Variants in TPP2 observed in about 807,000 individuals in gnomAD.
TPP2 encodes tripeptidyl peptidase 2.
TPP2 carries 34 observed loss-of-function variants against 155.9 expected under a neutral mutation model. That is an observed-to-expected ratio of 0.22 (90% CI 0.17 to 0.29). TPP2 has a LOEUF of 0.29. Ranked by LOEUF, TPP2 falls within the 10% of genes least tolerant of loss-of-function variation. The pLI is 1.00. For synonymous variants in TPP2, 510 were observed against 529.4 expected (o/e 0.96, Z 0.50); for missense variants, 1,028 against 1,522.3 (o/e 0.68, Z 5.40).
intron 23 of TPP2, among the ~76,000 whole-genome samples, chr13:102,650,575 T>C (rs1334020985): frequency 6.6e-6 from 1 of 152,186 alleles, no homozygotes; most frequent in African/African-American, 2.4e-5. Flanking sequence ...TGGTAGTTTT[T>C]TTTGTAGATT....
At chr13:102,623,488 AG>A (rs1191054188) in intron 6 of TPP2, among the ~76,000 whole-genome samples, 1 of 152,166 alleles carries the variant, frequency 6.6e-6, no homozygotes, top group East Asian at 1.9e-4. Flanking sequence ...GTTTGAACCT[AG>A]GAGGCGGAGG....
chr13:102,615,151 G>T (rs1179134383), intron 3 of TPP2, among the ~76,000 whole-genome samples: 1 of 152,128 alleles, frequency 6.6e-6, no homozygotes, highest in Non-Finnish European at 1.5e-5. Flanking sequence ...TAATCATTCT[G>T]CAAAACAAAC....
At chr13:102,664,677 A>G (rs756047236) in intron 26 of TPP2, 118 bp from the exon 27 acceptor site, 61 of 1,040,540 alleles carry the variant, frequency 5.9e-5, no homozygotes, top group South Asian at 2.0e-4. Flanking sequence ...CTACAAGTCA[A>G]TTACATAGTT....
intron 27 of TPP2, chr13:102,667,784 C>A (rs535521461): frequency 1.0e-6 from 1 of 985,444 alleles, no homozygotes; most frequent in African/African-American, 1.7e-5. Flanking sequence ...TGCATCATTC[C>A]AGCCCTTCTC....
Position 102,674,366 on chromosome 13 carries a change from A to G in TPP2, c.3455A>G (p.Gln1152Arg). The G allele has an allele frequency of 1.2e-6, 2 of 1,613,996 alleles. No homozygotes were observed. The highest frequency in any genetic ancestry group is 1.7e-6 in the Non-Finnish European group (2 of 1,179,872). Residue 1152 changes from glutamine to arginine, a missense_variant, in exon 28 of 30, where the codon CAG becomes CGG. Gln to Arg is a conservative substitution (Grantham distance 43). Coordinates refer to ENST00000376052, the MANE Select transcript of TPP2 (RefSeq NM_001330588.2). Reference sequence around the variant, plus strand: ...CTGGCAGACCATCTTCTTCACACCCAGGCTCAAGACGGAGCCATTTCCACT... The same window carrying G: ...CTGGCAGACCATCTTCTTCACACCCGGGCTCAAGACGGAGCCATTTCCACT... ...CALADHLLHT[Q>R]AQDGAISTDA...
intron 8 of TPP2, among the ~76,000 whole-genome samples, chr13:102,628,429 T>C: frequency 6.6e-6 from 1 of 152,194 alleles, no homozygotes; most frequent in East Asian, 1.9e-4. Context: ...ATTTTGCTAT[T>C]CTCTTTAGTG....
At position 102,608,286 on chromosome 13, in the gene TPP2, T is replaced by G. The variant is rs553065478; in HGVS notation, c.294+3365T>G. On this transcript the variant is annotated intron_variant, in intron 2 of 29. Transcript: ENST00000376052. ...AAAATAACATGCTAATATTTTTTAT[T>G]TCTTGATTTTTTTTTCTAGTCTTAA... 2.6e-5 allele frequency among the ~76,000 whole-genome samples: 4 copies of G among 152,338 alleles called. No individual in the cohort carries two copies. In the East Asian group the frequency reaches 7.7e-4, roughly 29 times the overall value.
rs761145692 is a variant in TPP2, at chr13:102,644,624, A to T, written c.2243A>T (p.Tyr748Phe). Residue 748 changes from tyrosine to phenylalanine, a missense_variant, in exon 18 of 30, where the codon TAT becomes TTT. By Grantham distance (22) the Tyr-to-Phe change is conservative. This residue lies in a region of TPP2 where 325 missense variants were observed against 463.7 expected (regional missense o/e 0.70). Transcript: ENST00000376052. ...AGTCTCAGTGATGTCAACATTGATT[A>T]TACCATTTCTTTCCATGGGATAGTG... ...WASLSDVNIDYTISFHGIVCT... is the reference protein window; with the variant it reads ...WASLSDVNIDFTISFHGIVCT... 1 of 1,613,140 alleles carries T rather than the reference A, an allele frequency of 6.2e-7. No homozygotes were observed. The highest frequency in any genetic ancestry group is 8.5e-7 in the Non-Finnish European group (1 of 1,179,626).
intron 6 of TPP2, among the ~76,000 whole-genome samples, chr13:102,624,698 T>C (rs1339142635): frequency 2.0e-5 from 3 of 152,200 alleles, no homozygotes; most frequent in African/African-American, 7.2e-5. Context: ...AATAGTTCTT[T>C]ATATAGCTAC....
chr13:102,604,983 T>C (rs1198834367), intron 2 of TPP2, 62 bp downstream of exon 2: 2 of 1,591,378 alleles, frequency 1.3e-6, no homozygotes, highest in Admixed American at 3.8e-5. Context: ...AAGCATCTAA[T>C]GTTTTTACCT....
chr13:102,611,890 C>G (rs1182857294), intron 2 of TPP2, among the ~76,000 whole-genome samples: 2 of 152,174 alleles, frequency 1.3e-5, no homozygotes, highest in African/African-American at 4.8e-5. Context: ...AATTTTCACT[C>G]TAATTTTTAA....
At chr13:102,675,859 A>G (rs1885252906) in intron 28 of TPP2, among the ~76,000 whole-genome samples, 2 of 152,196 alleles carry the variant, frequency 1.3e-5, no homozygotes, top group South Asian at 4.1e-4. Flanking sequence ...GATTATAAGT[A>G]TATTTGACAG....
At chr13:102,602,072 C>G (rs772765007) in intron 1 of TPP2, among the ~76,000 whole-genome samples, 18 of 152,110 alleles carry the variant, frequency 1.2e-4, no homozygotes, top group Non-Finnish European at 2.5e-4. Context: ...TCAAGTCACT[C>G]AGGTTTGCTT....
intron 9 of TPP2, 89 bp downstream of exon 9, chr13:102,629,698 A>G: frequency 1.4e-6 from 2 of 1,459,292 alleles, no homozygotes; most frequent in Admixed American, 3.0e-5. Context: ...TCTCTGCTAC[A>G]CGTAAGACAC....
intron 16 of TPP2, among the ~76,000 whole-genome samples, chr13:102,641,616 A>G (rs1395740115): frequency 6.6e-6 from 1 of 152,170 alleles, no homozygotes; most frequent in African/African-American, 2.4e-5. Context: ...TTTTCTGGTC[A>G]TCTATCTGTA....
At chr13:102,666,917 T>C (rs1884645455) in intron 27 of TPP2, among the ~76,000 whole-genome samples, 1 of 152,130 alleles carries the variant, frequency 6.6e-6, no homozygotes, top group African/African-American at 2.4e-5. Context: ...TTTAAGTTTT[T>C]AGCGACACTG....
intron 13 of TPP2, among the ~76,000 whole-genome samples, 153 bp downstream of exon 13, chr13:102,636,545 A>G (rs555886744): frequency 6.6e-5 from 10 of 152,224 alleles, no homozygotes; most frequent in Non-Finnish European, 1.5e-4. Context: ...AAGAGAAAAT[A>G]TTAGAGCAAT....
At chr13:102,663,989 A>ATTG (rs529348353) in intron 26 of TPP2, among the ~76,000 whole-genome samples, 130 of 152,338 alleles carry the variant, frequency 8.5e-4, no homozygotes, top group African/African-American at 3.0e-3. Flanking sequence ...TACCTTAACG[A>ATTG]TTGTTTTCAT....
At chr13:102,667,238 A>T (rs1884669959) in intron 27 of TPP2, among the ~76,000 whole-genome samples, 1 of 152,100 alleles carries the variant, frequency 6.6e-6, no homozygotes, top group Non-Finnish European at 1.5e-5. Flanking sequence ...AGTTAATATC[A>T]TGTTTTAGTT....
Sources: allele counts gnomAD v4.1 joint callset (sites outside exome capture counted in the v4.1 genomes callset), GRCh38; gene constraint gnomAD v4.1.1; regional missense constraint gnomAD v4.1.1; transcripts MANE v1.5; gene names NCBI Gene and HGNC (gene_info 2026-07-23, HGNC 2026-07-21).